Variants in TMEM108 observed in about 807,000 individuals in gnomAD.
The protein encoded by TMEM108 is transmembrane protein 108, also known as cancer/testis antigen 124.
Under a neutral mutation model 35.1 loss-of-function variants are expected in TMEM108, and 12 were observed. The observed-to-expected ratio is 0.34, with a 90% CI of 0.22 to 0.55. The LOEUF (loss-of-function observed/expected upper bound fraction) is 0.55, where lower values mean the gene tolerates loss of function less well. Ranked by LOEUF, TMEM108 falls within the 20% of genes least tolerant of loss-of-function variation. TMEM108 has a pLI of 0.89. For synonymous variants in TMEM108, 287 were observed against 308.6 expected (o/e 0.93, Z 0.73); for missense variants, 680 against 753.3 (o/e 0.90, Z 1.14).
intron 3 of TMEM108, among the ~76,000 whole-genome samples, chr3:133,261,729 C>T (rs781693240): frequency 1.3e-4 from 20 of 152,192 alleles, no homozygotes; most frequent in Non-Finnish European, 7.3e-5. Flanking sequence ...AGCCATAAAT[C>T]AAGAAGCCAT....
At chr3:133,073,504 CTCTCTCTA>C (rs1943701040) in intron 2 of TMEM108, among the ~76,000 whole-genome samples, 3 of 85,942 alleles carry the variant, frequency 3.5e-5, no homozygotes, top group Admixed American at 2.6e-4. Flanking sequence ...CTCTCTCTCT[CTCTCTCTA>C]TATATATATA....
At chr3:133,268,139 G>A (rs991933244) in intron 3 of TMEM108, among the ~76,000 whole-genome samples, 4 of 152,212 alleles carry the variant, frequency 2.6e-5, no homozygotes, top group Admixed American at 6.5e-5. Context: ...TGGGCATCAC[G>A]AAGCCATTGC....
chr3:133,291,749 G>A (rs1237895504), intron 3 of TMEM108, among the ~76,000 whole-genome samples: 5 of 152,140 alleles, frequency 3.3e-5, no homozygotes, highest in Admixed American at 6.5e-5. Context: ...ATTATATTAC[G>A]CTGCCTAAGA....
chr3:133,200,783 A>G (rs1452855002), intron 2 of TMEM108, among the ~76,000 whole-genome samples: 1 of 152,156 alleles, frequency 6.6e-6, no homozygotes, highest in African/African-American at 2.4e-5. Flanking sequence ...TTTATTAACT[A>G]TGTTGTCCAA....
At chr3:133,229,142 A>C in intron 2 of TMEM108, 124 bp from the exon 3 acceptor site, 1 of 596,732 alleles carries the variant, frequency 1.7e-6, no homozygotes, top group Non-Finnish European at 2.9e-6. Flanking sequence ...ATTTATCCCA[A>C]GATTTTTTCT....
At chr3:133,371,965 C>A (rs2072689327) in intron 3 of TMEM108, among the ~76,000 whole-genome samples, 2 of 152,142 alleles carry the variant, frequency 1.3e-5, no homozygotes, top group African/African-American at 4.8e-5. Flanking sequence ...TAGAGATAAG[C>A]TTATAGGTTA....
intron 2 of TMEM108, among the ~76,000 whole-genome samples, chr3:133,189,279 G>C (rs1387314522): frequency 6.6e-6 from 1 of 152,086 alleles, no homozygotes; most frequent in African/African-American, 2.4e-5. Context: ...GCTTTTCTTT[G>C]GAAGGAGATG....
At chr3:133,383,444 G>A (rs1200306852) in intron 4 of TMEM108, among the ~76,000 whole-genome samples, 4 of 152,180 alleles carry the variant, frequency 2.6e-5, no homozygotes, top group African/African-American at 9.7e-5. Flanking sequence ...TTTCCTGTGT[G>A]CCCATTGTGT....
intron 3 of TMEM108, among the ~76,000 whole-genome samples, chr3:133,249,378 C>T: frequency 6.6e-6 from 1 of 152,162 alleles, no homozygotes; most frequent in East Asian, 1.9e-4. Flanking sequence ...TATAGAAAAG[C>T]TTTGAAGGGG....
intron 3 of TMEM108, among the ~76,000 whole-genome samples, chr3:133,269,557 G>A (rs1426699220): frequency 6.6e-6 from 1 of 152,170 alleles, no homozygotes; most frequent in Non-Finnish European, 1.5e-5. Context: ...CCAGATAGAG[G>A]AAAAGTGAAA....
At chr3:133,372,344 T>A (rs1296786338) in intron 3 of TMEM108, among the ~76,000 whole-genome samples, 1 of 152,176 alleles carries the variant, frequency 6.6e-6, no homozygotes, top group Non-Finnish European at 1.5e-5. Flanking sequence ...CTCAGACAAA[T>A]GACTTTAACC....
chr3:133,345,830 A>G (rs1305641622), intron 3 of TMEM108, among the ~76,000 whole-genome samples: 1 of 151,996 alleles, frequency 6.6e-6, no homozygotes, highest in African/African-American at 2.4e-5. Flanking sequence ...TGATTAACAG[A>G]TATATAATCC....
intron 2 of TMEM108, among the ~76,000 whole-genome samples, chr3:133,146,153 T>G (rs1944716782): frequency 6.6e-6 from 1 of 152,216 alleles, no homozygotes; most frequent in Non-Finnish European, 1.5e-5. Context: ...AATACCTAGT[T>G]TATTGAGAGT....
chr3:133,276,195 T>C (rs936735047), intron 3 of TMEM108, among the ~76,000 whole-genome samples: 1 of 152,232 alleles, frequency 6.6e-6, no homozygotes, highest in Non-Finnish European at 1.5e-5. Context: ...GAATTTCATA[T>C]AAAATTCAAA....
intron 3 of TMEM108, among the ~76,000 whole-genome samples, chr3:133,304,717 G>A (rs1260133130): frequency 4.6e-5 from 7 of 151,986 alleles, no homozygotes; most frequent in African/African-American, 1.7e-4. Flanking sequence ...CCATCATAAG[G>A]ATACGCCACA....
intron 4 of TMEM108, among the ~76,000 whole-genome samples, chr3:133,382,275 G>A (rs1359250433): frequency 1.3e-5 from 2 of 152,170 alleles, no homozygotes; most frequent in Non-Finnish European, 2.9e-5. Context: ...GCTCTCCTGG[G>A]GGCCTAAAGT....
At chr3:133,050,989 T>G (rs115401207) in intron 2 of TMEM108, among the ~76,000 whole-genome samples, 2,364 of 151,874 alleles carry the variant, frequency 0.016, 66 homozygotes, top group African/African-American at 0.053. Flanking sequence ...TTTTTTTTTT[T>G]TTTGTGGACA....
At chr3:133,256,925 T>C (rs568262702) in intron 3 of TMEM108, 3 of 152,176 alleles carry the variant, frequency 2.0e-5, no homozygotes, top group Non-Finnish European at 4.4e-5. Flanking sequence ...GAAAGTAAAA[T>C]TACTGAGTCA....
intron 3 of TMEM108, among the ~76,000 whole-genome samples, chr3:133,357,797 C>G (rs937121777): frequency 6.6e-6 from 1 of 151,818 alleles, no homozygotes; most frequent in Non-Finnish European, 1.5e-5. Flanking sequence ...CGTTGGGAGG[C>G]GGGTGAGGGA....
Sources: allele counts gnomAD v4.1 joint callset (sites outside exome capture counted in the v4.1 genomes callset), GRCh38; gene constraint gnomAD v4.1.1; transcripts MANE v1.5; gene names NCBI Gene and HGNC (gene_info 2026-07-23, HGNC 2026-07-21).